PRAG1: variants seen among roughly 807,000 people sequenced by gnomAD.
PRAG1 encodes PEAK1 related, kinase-activating pseudokinase 1, also known as inactive tyrosine-protein kinase PRAG1.
Under a neutral mutation model 95.6 loss-of-function variants are expected in PRAG1, and 110 were observed. That is an observed-to-expected ratio of 1.15 (90% CI 0.99 to 1.35). The LOEUF (loss-of-function observed/expected upper bound fraction) is 1.35. PRAG1 is among the 40% of genes most tolerant of loss of function. PRAG1 has a pLI of 0.00. For missense variants in PRAG1, 2,554 were observed against 1,864.7 expected, an observed-to-expected ratio of 1.37 and a Z score of -6.81; for synonymous variants, 1,052 against 819.4, an observed-to-expected ratio of 1.28 and a Z score of -4.85.
intron 3 of PRAG1, among the ~76,000 whole-genome samples, chr8:8,370,717 G>T (rs752703972): frequency 1.1e-4 from 17 of 152,280 alleles, no homozygotes; most frequent in Non-Finnish European, 2.5e-4. Context: ...CAGAGATCAT[G>T]TTACAGGAGA....
At chr8:8,320,519 C>T (rs1233551709) in intron 5 of PRAG1, among the ~76,000 whole-genome samples, 1 of 152,212 alleles carries the variant, frequency 6.6e-6, no homozygotes, top group African/African-American at 2.4e-5. Context: ...GGCCCTCTGT[C>T]AGGCCTCAAT....
At chr8:8,383,244 A>C (rs141367406) in intron 1 of PRAG1, among the ~76,000 whole-genome samples, 1,633 of 152,196 alleles carry the variant, frequency 0.011, 63 homozygotes, top group Admixed American at 0.079. Context: ...ACAAGTGCTG[A>C]AGCTACGTGT....
At chr8:8,345,151 A>C (rs1199087473) in intron 3 of PRAG1, among the ~76,000 whole-genome samples, 1 of 151,050 alleles carries the variant, frequency 6.6e-6, no homozygotes, top group African/African-American at 2.4e-5. Flanking sequence ...CTAAGCCACA[A>C]GTGGAATTTT....
intron 3 of PRAG1, among the ~76,000 whole-genome samples, chr8:8,373,529 A>G (rs1800283193): frequency 1.3e-5 from 2 of 151,040 alleles, no homozygotes; most frequent in African/African-American, 4.9e-5. Flanking sequence ...AGCTCACTGC[A>G]ACCTCCACTT....
intron 5 of PRAG1, among the ~76,000 whole-genome samples, chr8:8,320,555 C>A (rs562472861): frequency 6.6e-6 from 1 of 152,322 alleles, no homozygotes; most frequent in Admixed American, 6.5e-5. Flanking sequence ...CTGAAAGGGA[C>A]TGAAGTCCCC....
chr8:8,319,245 G>T lies in PRAG1; in HGVS notation c.3130C>A (p.His1044Asn), dbSNP rs1156384600. The change falls in exon 6 of 6, where the codon CAC becomes AAC. Residue 1044 changes from histidine to asparagine, a missense_variant. Transcript: ENST00000615670. ...VSYCSPSVPVHFNIQQDCGHF... is the reference protein window; with the variant it reads ...VSYCSPSVPVNFNIQQDCGHF... ...CCGCAGTCCTGCTGGATGTTAAAGT[G>T]CACGGGCACGGACGGGCTGCAGTAG... The T allele has an allele frequency of 6.4e-7, 1 of 1,551,832 alleles. No homozygotes were observed. Among genetic ancestry groups the T allele is most frequent in the Admixed American group, 1.8e-5 (1 of 55,502 alleles).
chr8:8,361,873 T>G (rs553157885), intron 3 of PRAG1, among the ~76,000 whole-genome samples: 1 of 152,344 alleles, frequency 6.6e-6, no homozygotes, highest in South Asian at 2.1e-4. Context: ...CTTACCAATC[T>G]TTAACATAAA....
At chr8:8,350,774 T>A (rs916979763) in intron 3 of PRAG1, among the ~76,000 whole-genome samples, 1 of 152,240 alleles carries the variant, frequency 6.6e-6, no homozygotes, top group African/African-American at 2.4e-5. Flanking sequence ...CTGTTTCAGC[T>A]TCCCATCTAT....
In PRAG1 at chr8:8,376,480, C is replaced by T. The variant is rs767265148; in HGVS notation, c.1929G>A (p.Glu643=). The change falls in exon 3 of 6, where the codon GAG becomes GAA. Residue 643 remains glutamate (E), a synonymous_variant. Transcript: ENST00000615670. ...GACTCAGCAATTCCTGCTCCACCTC[C>T]TCTTCTTCCTCTATCCGGCACTGAC... ...WSRQCRIEEE[E]EVEQELLSHS... The T allele has an allele frequency of 6.2e-7, 1 of 1,613,716 alleles. No homozygotes were observed. The highest frequency in any genetic ancestry group is 1.1e-5 in the South Asian group (1 of 91,052).
At position 8,318,043 on chromosome 8, in the gene PRAG1, A is replaced by G. The variant is rs1798331426; in HGVS notation, c.*111T>C. 1.9e-5 allele frequency: 17 copies of G among 902,108 alleles called. No homozygotes were observed. The South Asian group carries it at 3.0e-4, about 16-fold the overall frequency. The allele number at this position is 902,108 out of a possible 1,614,324, so 55.9% of individuals were successfully genotyped here. On this transcript the variant is annotated 3_prime_UTR_variant, in exon 6 of 6. Coordinates refer to ENST00000615670, the MANE Select transcript of PRAG1 (RefSeq NM_001080826.3). This position sits in a 1 kb window ranked among gnomAD's most constrained non-coding sequence, Gnocchi z 4.2. ...ATATATATTTATATATTTTACATCC[A>G]GGTATCCCAGTCATCTGTACCATTT...
chr8:8,386,118 G>C (rs748596487), intron 1 of PRAG1, among the ~76,000 whole-genome samples: 49 of 152,278 alleles, frequency 3.2e-4, no homozygotes, highest in Admixed American at 7.8e-4. Context: ...CCAGCTCCTC[G>C]GTCCTCCCGG....
intron 3 of PRAG1, among the ~76,000 whole-genome samples, chr8:8,373,454 A>ATTTTTTTTTT (rs796490286): frequency 7.2e-6 from 1 of 138,342 alleles, no homozygotes; most frequent in African/African-American, 2.8e-5. Flanking sequence ...TATTTTCTAG[A>ATTTTTTTTTT]TTTTTTTTTT....
intron 3 of PRAG1, among the ~76,000 whole-genome samples, chr8:8,366,274 C>A (rs1800002095): frequency 6.6e-6 from 1 of 150,916 alleles, no homozygotes; most frequent in Non-Finnish European, 1.5e-5. Flanking sequence ...ACAGAAGTGG[C>A]TAGACAGAGT....
chr8:8,376,828 T>C lies in PRAG1; in HGVS notation c.1581A>G (p.Glu527=). The C allele has an allele frequency of 6.2e-7, 1 of 1,612,516 alleles. No individual in the cohort carries two copies. The highest frequency in any genetic ancestry group is 8.5e-7 in the Non-Finnish European group (1 of 1,179,882). Residue 527 remains glutamate, a synonymous_variant, in exon 3 of 6, where the codon GAA becomes GAG. Transcript: ENST00000615670. ...TSAGQGLSSR[E]SHAHSASESK... is the part of the protein sequence containing the mutation. ...TCTCGCTGGCACTGTGAGCATGGCTTTCCCTGGAGCTCAGCCCCTGCCCAG... is the reference window on the plus strand; with the variant it reads ...TCTCGCTGGCACTGTGAGCATGGCTCTCCCTGGAGCTCAGCCCCTGCCCAG...
At position 8,376,291 on chromosome 8, in the gene PRAG1, A is replaced by T; in HGVS notation, c.2118T>A (p.Ser706Arg). ...SFAFEFPKDR[S>R]GIETFSPPPP... ...GAGGAGGTGAGAATGTCTCAATCCCACTTCTGTCCTTGGGGAACTCAAAGG... is the reference window on the plus strand; with the variant it reads ...GAGGAGGTGAGAATGTCTCAATCCCTCTTCTGTCCTTGGGGAACTCAAAGG... The change falls in exon 3 of 6, where the codon AGT becomes AGA. Residue 706 changes from serine to arginine, a missense_variant. Physicochemically the swap from Ser to Arg is moderately radical, Grantham distance 110. Transcript: ENST00000615670. 1 of 1,614,058 alleles carries T rather than the reference A, an allele frequency of 6.2e-7. No homozygotes were observed. Among genetic ancestry groups the T allele is most frequent in the Non-Finnish European group, 8.5e-7 (1 of 1,180,018 alleles).
chr8:8,341,895 G>A (rs1023956169), intron 3 of PRAG1, among the ~76,000 whole-genome samples: 2 of 152,196 alleles, frequency 1.3e-5, no homozygotes, highest in South Asian at 4.1e-4. Context: ...CACTTTGGGA[G>A]GTCAAGGCGG....
At chr8:8,370,112 A>G (rs1011941511) in intron 3 of PRAG1, among the ~76,000 whole-genome samples, 37 of 152,368 alleles carry the variant, frequency 2.4e-4, no homozygotes, top group African/African-American at 8.4e-4. Flanking sequence ...AATTAGACAG[A>G]AAGTCTTAAA....
At chr8:8,324,399 G>C (rs896466059) in intron 5 of PRAG1, among the ~76,000 whole-genome samples, 5 of 152,208 alleles carry the variant, frequency 3.3e-5, no homozygotes, top group African/African-American at 1.2e-4. Context: ...CTGGGCCTTT[G>C]GCAAGACCCG....
chr8:8,374,394 T>C (rs60596971), intron 3 of PRAG1, among the ~76,000 whole-genome samples: 2,236 of 152,294 alleles, frequency 0.015, 49 homozygotes, highest in African/African-American at 0.051. Flanking sequence ...GATGTTTTAC[T>C]CTCACGCCCT....
Sources: gnomAD v4.1 joint callset for allele counts (sites outside exome capture counted in the v4.1 genomes callset) on GRCh38, gnomAD v4.1.1 for gene constraint, Gnocchi (gnomAD v3.1) non-coding constraint, MANE v1.5 for transcripts, NCBI Gene and HGNC (gene_info 2026-07-23, HGNC 2026-07-21) for gene names.